Variants in SHANK2 observed in about 807,000 individuals in gnomAD.
The protein encoded by SHANK2 is SH3 and multiple ankyrin repeat domains 2.
In SHANK2, 43 loss-of-function variants were observed where a neutral mutation model predicts 133.7. The observed-to-expected ratio is 0.32, with a 90% CI of 0.25 to 0.41. The LOEUF (loss-of-function observed/expected upper bound fraction) is 0.41. Ranked by LOEUF, SHANK2 falls within the 10% of genes least tolerant of loss-of-function variation. The pLI, the probability that SHANK2 is intolerant of heterozygous loss-of-function variation, is 1.00. For missense variants in SHANK2, 1,994 were observed against 2,235.8 expected (o/e 0.89, Z 2.18); for synonymous variants, 1,017 against 952.8 (o/e 1.07, Z -1.24).
At chr11:70,714,401 A>G (rs1945865528) in intron 14 of SHANK2, among the ~76,000 whole-genome samples, 1 of 152,228 alleles carries the variant, frequency 6.6e-6, no homozygotes, top group Non-Finnish European at 1.5e-5. Flanking sequence ...GCAGGGTCCT[A>G]ACTGCAAGGC....
chr11:71,116,850 G>A (rs540573864), intron 4 of SHANK2, among the ~76,000 whole-genome samples: 1 of 152,156 alleles, frequency 6.6e-6, no homozygotes, highest in Non-Finnish European at 1.5e-5. Context: ...TCCCCTGCTC[G>A]CTCTCACACC....
intron 10 of SHANK2, among the ~76,000 whole-genome samples, chr11:70,941,631 T>C (rs1405085277): frequency 5.3e-5 from 8 of 152,014 alleles, no homozygotes; most frequent in Admixed American, 2.6e-4. Context: ...CGTGTCCTTA[T>C]AAGAAGAGGC....
At chr11:70,540,995 C>T (rs2059615285) in intron 17 of SHANK2, among the ~76,000 whole-genome samples, 1 of 152,174 alleles carries the variant, frequency 6.6e-6, no homozygotes, top group Middle Eastern at 3.2e-3. Flanking sequence ...TCTCCTTCCC[C>T]AGCCCCTGGC....
At chr11:70,933,774 G>C (rs191382539) in intron 10 of SHANK2, among the ~76,000 whole-genome samples, 30 of 151,954 alleles carry the variant, frequency 2.0e-4, no homozygotes, top group African/African-American at 7.0e-4. Flanking sequence ...ACAAAAGTTA[G>C]CTGGGCATGG....
At chr11:71,209,054 AGCCCAGTCCTC>A (rs1565515823) in intron 2 of SHANK2, among the ~76,000 whole-genome samples, 3 of 152,208 alleles carry the variant, frequency 2.0e-5, no homozygotes, top group Non-Finnish European at 4.4e-5. Flanking sequence ...AGCAGAATAA[AGCCCAGTCCTC>A]TGAGTCTAAG....
At chr11:71,125,461 C>T (rs76842560) in intron 3 of SHANK2, among the ~76,000 whole-genome samples, 2,498 of 152,304 alleles carry the variant, frequency 0.016, 66 homozygotes, top group African/African-American at 0.057. Context: ...ATGATCAAGA[C>T]GGTCACAACA....
At chr11:71,224,498 G>A (rs914763355) in intron 2 of SHANK2, among the ~76,000 whole-genome samples, 199 bp downstream of exon 2, 3 of 152,126 alleles carry the variant, frequency 2.0e-5, no homozygotes, top group Non-Finnish European at 4.4e-5. Flanking sequence ...TTCATATCTC[G>A]CAAGGTCACA....
intron 14 of SHANK2, among the ~76,000 whole-genome samples, chr11:70,704,100 T>C (rs968197551): frequency 6.6e-6 from 1 of 152,206 alleles, no homozygotes; most frequent in Non-Finnish European, 1.5e-5. Context: ...GGGATACCCA[T>C]GTGCAGGATG....
chr11:70,503,377 T>C (rs1555159304), intron 17 of SHANK2, among the ~76,000 whole-genome samples: 1 of 152,156 alleles, frequency 6.6e-6, no homozygotes, highest in Non-Finnish European at 1.5e-5. Flanking sequence ...GGAGGAAACG[T>C]GGCGCTTAAT....
intron 17 of SHANK2, among the ~76,000 whole-genome samples, chr11:70,612,289 G>A (rs1554994481): frequency 6.6e-6 from 1 of 152,192 alleles, no homozygotes; most frequent in East Asian, 1.9e-4. Context: ...GGGAAACGCA[G>A]AGGGGAAAGG....
chr11:70,811,328 T>C (rs965963934), intron 12 of SHANK2, among the ~76,000 whole-genome samples: 3 of 152,048 alleles, frequency 2.0e-5, no homozygotes, highest in African/African-American at 7.2e-5. Context: ...GTGCGTCTTC[T>C]CAGGATTTCC....
intron 3 of SHANK2, among the ~76,000 whole-genome samples, chr11:71,134,857 C>T (rs538195675): frequency 6.6e-6 from 1 of 152,160 alleles, no homozygotes; most frequent in Admixed American, 6.5e-5. Context: ...GCCTCCAGCA[C>T]CATTTACCTG....
chr11:71,089,869 G>A (rs1294576425), intron 8 of SHANK2, among the ~76,000 whole-genome samples: 2 of 152,196 alleles, frequency 1.3e-5, no homozygotes, highest in South Asian at 2.1e-4. Flanking sequence ...GGCTGGAACC[G>A]TTGGTTGACA....
chr11:70,857,283 G>T (rs1555066982), intron 11 of SHANK2, among the ~76,000 whole-genome samples: 1 of 152,140 alleles, frequency 6.6e-6, no homozygotes, highest in East Asian at 1.9e-4. Context: ...CCCACAAAGG[G>T]TTGTTTTAGG....
intron 11 of SHANK2, among the ~76,000 whole-genome samples, chr11:70,871,505 G>A (rs1555070175): frequency 6.6e-6 from 1 of 152,242 alleles, no homozygotes; most frequent in African/African-American, 2.4e-5. Flanking sequence ...CCACATCTGT[G>A]TGCCATGGAG....
intron 17 of SHANK2, among the ~76,000 whole-genome samples, chr11:70,643,567 G>GAA (rs536391581): frequency 6.5e-5 from 6 of 92,304 alleles, no homozygotes; most frequent in East Asian, 3.4e-4. Context: ...CTCCGTCTCG[G>GAA]AAAAAAAAAA....
In SHANK2 at chr11:70,469,287, C is replaced by T. The variant is rs2058569281; in HGVS notation, c.*3582G>A. 1 of 152,534 alleles carries T rather than the reference C, an allele frequency of 6.6e-6. No individual in the cohort carries two copies. The highest frequency in any genetic ancestry group is 1.5e-5 in the Non-Finnish European group (1 of 68,036). 9.4% of individuals were successfully genotyped at this position (152,534 alleles called of 1,614,324 possible). A position where few individuals can be genotyped will look rare whatever the true frequency, so the allele number is the denominator to read the frequency against. Reference sequence around the variant, plus strand: ...TAGCTCAGTGACAGGAGCCTGTTTACTCGATGAGAGAGATTTTTCTGGTCA... The same window carrying T: ...TAGCTCAGTGACAGGAGCCTGTTTATTCGATGAGAGAGATTTTTCTGGTCA... On this transcript the variant is annotated 3_prime_UTR_variant, in exon 26 of 26. Coordinates refer to ENST00000601538, the MANE Select transcript of SHANK2 (RefSeq NM_012309.5).
chr11:71,059,009 G>A (rs879085314), intron 9 of SHANK2, among the ~76,000 whole-genome samples: 21,509 of 152,278 alleles, frequency 0.14, 1,936 homozygotes, highest in Middle Eastern at 0.27. Flanking sequence ...GAGGTCAGGA[G>A]TTCAAGACCA....
intron 11 of SHANK2, among the ~76,000 whole-genome samples, chr11:70,854,316 G>A (rs782731890): frequency 1.3e-5 from 2 of 152,206 alleles, no homozygotes; most frequent in South Asian, 2.1e-4. Flanking sequence ...TGCTGAGATC[G>A]AATCTAGTGA....
Sources: allele counts gnomAD v4.1 joint callset (sites outside exome capture counted in the v4.1 genomes callset), GRCh38; gene constraint gnomAD v4.1.1; transcripts MANE v1.5; gene names NCBI Gene and HGNC (gene_info 2026-07-23, HGNC 2026-07-21).